STK10: variants seen among roughly 807,000 people sequenced by gnomAD.
STK10 encodes serine/threonine-protein kinase 10.
A neutral mutation model predicts 113.8 loss-of-function variants in STK10; 78 were observed. The observed-to-expected ratio is 0.69, with a 90% confidence interval of 0.57 to 0.83. The LOEUF is 0.83. Among genes scored for constraint, STK10 ranks in the 40% least tolerant of loss-of-function variants. STK10 has a pLI of 0.00. For missense variants in STK10, 1,109 were observed against 1,280.1 expected, an observed-to-expected ratio of 0.87 and a Z score of 2.04; for synonymous variants, 465 against 494.7, an observed-to-expected ratio of 0.94 and a Z score of 0.80.
At chr5:172,073,979 A>ATAC (rs1768256326) in intron 12 of STK10, among the ~76,000 whole-genome samples, 2 of 150,860 alleles carry the variant, frequency 1.3e-5, no homozygotes, top group Non-Finnish European at 3.0e-5. Flanking sequence ...AATAATAATA[A>ATAC]TAATAATAAT....
chr5:172,055,188 T>C (rs182314306), intron 16 of STK10, among the ~76,000 whole-genome samples: 12 of 150,838 alleles, frequency 8.0e-5, no homozygotes, highest in African/African-American at 2.9e-4. Flanking sequence ...GGCGGGTGGG[T>C]CGGAGTGCAT....
chr5:172,141,725 CCTT>C (rs1769976051), intron 2 of STK10, among the ~76,000 whole-genome samples: 1 of 152,118 alleles, frequency 6.6e-6, no homozygotes, highest in African/African-American at 2.4e-5. Flanking sequence ...CCCAGGAACT[CCTT>C]GTTTCCCTGG....
At chr5:172,178,596 G>A (rs1252346596) in intron 1 of STK10, among the ~76,000 whole-genome samples, 1 of 152,200 alleles carries the variant, frequency 6.6e-6, no homozygotes, top group African/African-American at 2.4e-5. Flanking sequence ...GCTCCCGCAG[G>A]TGTAGTCAGC....
intron 13 of STK10, among the ~76,000 whole-genome samples, chr5:172,063,255 A>AG (rs1243737343): frequency 2.0e-5 from 3 of 151,846 alleles, no homozygotes; most frequent in Non-Finnish European, 4.4e-5. Flanking sequence ...ATCTCAAAAA[A>AG]GAAAAAAAAA....
chr5:172,076,703 A>G (rs1007023055), intron 12 of STK10, among the ~76,000 whole-genome samples: 4 of 152,150 alleles, frequency 2.6e-5, no homozygotes, highest in African/African-American at 7.2e-5. Context: ...TTTAAATCTT[A>G]TTTGTGCCAC....
At position 172,131,314 on chromosome 5, in the gene STK10, G is replaced by A. The variant is rs1400397756; in HGVS notation, c.322-3893C>T. Among the ~76,000 whole-genome samples the A allele has an allele frequency of 5.9e-5, 9 of 152,304 alleles. No homozygotes were observed. The East Asian group carries it at 9.6e-4, about 16-fold the overall frequency. ...CTCCCAAAGTGCTGGGATTACAGGC[G>A]TGAGCCCCCGCGCCTGGCCTGTCAT... On this transcript the variant is annotated intron_variant, in intron 2 of 18. Transcript: ENST00000176763.
intron 3 of STK10, among the ~76,000 whole-genome samples, chr5:172,126,760 C>T (rs1457418001): frequency 6.6e-6 from 1 of 152,122 alleles, no homozygotes; most frequent in East Asian, 1.9e-4. Flanking sequence ...TGACACTGTC[C>T]CCACAGAGCA....
At chr5:172,078,903 G>A (rs533143225) in intron 12 of STK10, among the ~76,000 whole-genome samples, 28 of 151,230 alleles carry the variant, frequency 1.9e-4, no homozygotes, top group Non-Finnish European at 3.1e-4. Flanking sequence ...TCCTAAACTA[G>A]GCAACTTCCT....
At chr5:172,137,724 CAAAA>C (rs34773105) in intron 2 of STK10, among the ~76,000 whole-genome samples, 2 of 91,016 alleles carry the variant, frequency 2.2e-5, no homozygotes, top group African/African-American at 7.8e-5. Context: ...ACTAAAAATA[CAAAA>C]AAAAAAAAAA....
At chr5:172,064,639 G>T in intron 13 of STK10, 81 bp downstream of exon 13, 1 of 1,468,018 alleles carries the variant, frequency 6.8e-7, no homozygotes, top group Non-Finnish European at 9.5e-7. Context: ...CAGGGATTGG[G>T]CAAAGGCAGA....
chr5:172,140,247 T>C (rs1244478010), intron 2 of STK10, among the ~76,000 whole-genome samples: 1 of 152,192 alleles, frequency 6.6e-6, no homozygotes, highest in East Asian at 1.9e-4. Context: ...ATATGTATCA[T>C]CTTACACCTG....
Position 172,044,895 on chromosome 5 carries a change from G to C in STK10, c.2894C>G (p.Ala965Gly), listed in dbSNP as rs757292727. The C allele has an allele frequency of 1.2e-6, 2 of 1,614,198 alleles. No individual in the cohort carries two copies. Among genetic ancestry groups the C allele is most frequent in the Non-Finnish European group, 1.7e-6 (2 of 1,180,040 alleles). Reference protein sequence around the residue: ...KAAKFFPYSSADAS With the variant: ...KAAKFFPYSSGDAS ...CCCGGGCGGTTGTTAAGAAGCATCC[G>C]CAGAACTGTAGGGGAAGAACTTGGC... Residue 965 changes from alanine (A) to glycine (G), a missense_variant, in exon 19 of 19, where the codon GCG (alanine) becomes GGG (glycine). Ala to Gly is a moderately conservative substitution (Grantham distance 60). Coordinates refer to ENST00000176763, the MANE Select transcript of STK10 (RefSeq NM_005990.4). This position sits in a 1 kb window ranked among gnomAD's most constrained non-coding sequence, Gnocchi z 4.5.
chr5:172,087,119 T>TGTGTGG (rs1768580565), intron 10 of STK10, among the ~76,000 whole-genome samples: 1 of 147,032 alleles, frequency 6.8e-6, no homozygotes, highest in Admixed American at 6.7e-5. Flanking sequence ...TGTGTGTGTG[T>TGTGTGG]GTGTGTGTGT....
At chr5:172,139,900 C>CA (rs34385866) in intron 2 of STK10, among the ~76,000 whole-genome samples, 6,675 of 92,016 alleles carry the variant, frequency 0.073, 685 homozygotes, top group African/African-American at 0.23. Context: ...AAAGCACAGC[C>CA]AAAAAAAAAA....
intron 7 of STK10, among the ~76,000 whole-genome samples, chr5:172,101,971 G>C (rs374851503): frequency 1.2e-4 from 19 of 152,182 alleles, no homozygotes; most frequent in African/African-American, 3.4e-4. Context: ...AGCAGGGTGG[G>C]GGGGGCGGAT....
In STK10 at chr5:172,087,616, CTTAT is replaced by C. The variant is rs1433051704; in HGVS notation, c.1685+2612_1685+2615del. 8.4e-5 allele frequency among the ~76,000 whole-genome samples: 9 copies of C among 106,918 alleles called. 1 individual carries two copies. The highest frequency in any genetic ancestry group is 2.2e-4 in the East Asian group (1 of 4,602). The allele number at this position is 106,918 out of a possible 152,430, so 70.1% of individuals were successfully genotyped here. ...ACAATTTATTTTTTAAATTTATTTA[CTTAT>C]TTATTTTTTTTTTTTTTTTGAGACG... On this transcript the variant is annotated intron_variant, in intron 10 of 18. Transcript: ENST00000176763.
At chr5:172,101,082 G>T (rs569079979) in intron 7 of STK10, among the ~76,000 whole-genome samples, 2 of 152,336 alleles carry the variant, frequency 1.3e-5, no homozygotes, top group East Asian at 3.9e-4. Context: ...ACTTCAGAGC[G>T]TTGGTATGAG....
chr5:172,169,957 G>C (rs866173224), intron 1 of STK10, among the ~76,000 whole-genome samples: 1 of 152,072 alleles, frequency 6.6e-6, no homozygotes, highest in African/African-American at 2.4e-5. Context: ...TTTCAGTGAC[G>C]CACGGGAAAA....
intron 1 of STK10, among the ~76,000 whole-genome samples, chr5:172,183,939 G>T (rs957459647): frequency 6.6e-6 from 1 of 152,136 alleles, no homozygotes; most frequent in African/African-American, 2.4e-5. Flanking sequence ...AAAAAAAGAG[G>T]TTTGATATCT....
Sources: gnomAD v4.1 joint callset for allele counts (sites outside exome capture counted in the v4.1 genomes callset) on GRCh38, gnomAD v4.1.1 for gene constraint, Gnocchi (gnomAD v3.1) non-coding constraint, MANE v1.5 for transcripts, NCBI Gene and HGNC (gene_info 2026-07-23, HGNC 2026-07-21) for gene names.